Variants in CNR2 observed in about 807,000 individuals in gnomAD.
CNR2 encodes the protein cannabinoid receptor 2, also known as cannabinoid receptor 2 (macrophage).
For missense variants in CNR2, 379 were observed against 439.9 expected (o/e 0.86, Z 1.24); for synonymous variants, 172 against 182.2 (o/e 0.94, Z 0.45).
At chr1:23,885,264 TC>T (rs71983975) in intron 1 of CNR2, among the ~76,000 whole-genome samples, 21,829 of 145,296 alleles carry the variant, frequency 0.15, 1,684 homozygotes, top group East Asian at 0.33. Context: ...GACCACCATC[TC>T]CTTAAAAAAA....
At chr1:23,891,619 CAAAAAA>C (rs771509283) in intron 1 of CNR2, among the ~76,000 whole-genome samples, 1 of 31,250 alleles carries the variant, frequency 3.2e-5, no homozygotes, top group Non-Finnish European at 6.0e-5. Flanking sequence ...AACTCCATCT[CAAAAAA>C]AAAAAAAAAA....
chr1:23,892,451 G>A (rs1274100285), intron 1 of CNR2, among the ~76,000 whole-genome samples: 3 of 152,146 alleles, frequency 2.0e-5, no homozygotes, highest in Non-Finnish European at 4.4e-5. Context: ...ATGAAGCCTG[G>A]CACAAAGTAA....
intron 1 of CNR2, among the ~76,000 whole-genome samples, chr1:23,905,472 G>A (rs564773907): frequency 9.3e-5 from 14 of 150,732 alleles, no homozygotes; most frequent in African/African-American, 2.7e-4. Flanking sequence ...GAGCCACCGC[G>A]CCCAGCCATC....
intron 1 of CNR2, among the ~76,000 whole-genome samples, chr1:23,896,086 A>G (rs553422601): frequency 2.6e-5 from 4 of 151,422 alleles, no homozygotes; most frequent in Non-Finnish European, 5.9e-5. Flanking sequence ...CTTGTCTCAA[A>G]CTCCTGGCCT....
chr1:23,887,711 G>A (rs2148463281), intron 1 of CNR2, among the ~76,000 whole-genome samples: 1 of 152,192 alleles, frequency 6.6e-6, no homozygotes, highest in Admixed American at 6.5e-5. Context: ...GCACAGAGAT[G>A]AAGTAGGAAA....
intron 1 of CNR2, among the ~76,000 whole-genome samples, chr1:23,908,946 G>C (rs543770241): frequency 6.6e-6 from 1 of 152,128 alleles, no homozygotes; most frequent in South Asian, 2.1e-4. Flanking sequence ...GGGGGTGAGG[G>C]AGTGGGAAAA....
intron 1 of CNR2, among the ~76,000 whole-genome samples, chr1:23,903,678 C>A (rs973827128): frequency 1.3e-5 from 2 of 152,014 alleles, no homozygotes; most frequent in Admixed American, 1.3e-4. Context: ...TGTGAAACAG[C>A]CTTGCAGAAC....
chr1:23,908,205 T>A (rs1465205096), intron 1 of CNR2, among the ~76,000 whole-genome samples: 2 of 152,076 alleles, frequency 1.3e-5, no homozygotes, highest in Non-Finnish European at 2.9e-5. Flanking sequence ...GGTCTCGATA[T>A]CCTGACCTCA....
At chr1:23,878,225 A>G (rs1449216086) in intron 1 of CNR2, among the ~76,000 whole-genome samples, 1 of 151,844 alleles carries the variant, frequency 6.6e-6, no homozygotes, top group Non-Finnish European at 1.5e-5. Flanking sequence ...AATTAGCTGG[A>G]TGGTGGTGCA....
rs1639758037 is a variant in CNR2 at position 23,871,213 on chromosome 1, G to C, written c.*3322C>G. The C allele has an allele frequency of 6.8e-6, 1 of 146,352 alleles. No homozygotes were observed. The highest frequency in any genetic ancestry group is 2.5e-5 in the African/African-American group (1 of 39,744). The allele number at this position is 146,352 out of a possible 1,614,324, so 9.1% of individuals were successfully genotyped here. Reference sequence around the variant, plus strand: ...ACAGTGTGGTTCTAAAAGAAGAGAAGTAGAAAGTGTGGAGTTGCGTTTGAT... The same window carrying C: ...ACAGTGTGGTTCTAAAAGAAGAGAACTAGAAAGTGTGGAGTTGCGTTTGAT... On this transcript the variant is annotated 3_prime_UTR_variant, in exon 2 of 2. Transcript: ENST00000374472.
intron 1 of CNR2, among the ~76,000 whole-genome samples, chr1:23,896,510 T>C (rs2148466795): frequency 6.6e-6 from 1 of 152,328 alleles, no homozygotes; most frequent in Middle Eastern, 3.4e-3. Flanking sequence ...GCTATATATG[T>C]GAACACATTA....
chr1:23,881,517 T>C (rs1639987902), intron 1 of CNR2, among the ~76,000 whole-genome samples: 1 of 149,784 alleles, frequency 6.7e-6, no homozygotes, highest in South Asian at 2.1e-4. Context: ...CGTTTGAACC[T>C]AGGAGGCGGA....
chr1:23,911,604 C>A (rs562624640), intron 1 of CNR2, among the ~76,000 whole-genome samples: 1 of 152,042 alleles, frequency 6.6e-6, no homozygotes, highest in African/African-American at 2.4e-5. Context: ...GTGACTTCAA[C>A]TGAATAAAGA....
chr1:23,879,795 C>T (rs980434664), intron 1 of CNR2, among the ~76,000 whole-genome samples: 1 of 151,966 alleles, frequency 6.6e-6, no homozygotes, highest in Non-Finnish European at 1.5e-5. Context: ...CCTAACTGGG[C>T]CCCCTGCTTT....
At position 23,873,233 on chromosome 1, in the gene CNR2, G is replaced by C. The variant is rs1001430694; in HGVS notation, c.*1302C>G. Reference sequence around the variant, plus strand: ...CTCATATGAAAAATGAGTACCCTGGGATCTATTTTATTTTATTTTTTTGAG... The same window carrying C: ...CTCATATGAAAAATGAGTACCCTGGCATCTATTTTATTTTATTTTTTTGAG... On this transcript the variant is annotated 3_prime_UTR_variant, in exon 2 of 2. Coordinates refer to ENST00000374472, the MANE Select transcript of CNR2 (RefSeq NM_001841.3). The C allele has an allele frequency of 7.9e-6, 1 of 126,200 alleles. No individual in the cohort carries two copies. Among genetic ancestry groups the C allele is most frequent in the Non-Finnish European group, 1.6e-5 (1 of 60,936 alleles). 7.8% of individuals were successfully genotyped at this position (126,200 alleles called of 1,614,324 possible). A position where few individuals can be genotyped will look rare whatever the true frequency, so the allele number is the denominator to read the frequency against.
chr1:23,873,159 A>G lies in CNR2; in HGVS notation c.*1376T>C, dbSNP rs781665903. ...CTCTGCAATCTTCCTGCCGCCAACA[A>G]TTTCTCTTGTTGGCTGTTTTAGGCT... On this transcript the variant is annotated 3_prime_UTR_variant, in exon 2 of 2. Transcript: ENST00000374472. 3 of 152,072 alleles carry G rather than the reference A, an allele frequency of 2.0e-5. No individual in the cohort carries two copies. Among genetic ancestry groups the G allele is most frequent in the Non-Finnish European group, 4.4e-5 (3 of 68,004 alleles). 9.4% of individuals were successfully genotyped at this position (152,072 alleles called of 1,614,324 possible).
At chr1:23,905,342 G>A (rs1339244201) in intron 1 of CNR2, among the ~76,000 whole-genome samples, 2 of 151,382 alleles carry the variant, frequency 1.3e-5, no homozygotes, top group Non-Finnish European at 2.9e-5. Context: ...CACCACGCCA[G>A]CTAGCTTTTG....
chr1:23,910,635 C>A (rs1447537412), intron 1 of CNR2, among the ~76,000 whole-genome samples: 7 of 30,074 alleles, frequency 2.3e-4, no homozygotes, highest in Admixed American at 1.7e-3. Flanking sequence ...GCCTGGGCAA[C>A]AAGAGCAAAA....
At chr1:23,893,594 G>T (rs548120135) in intron 1 of CNR2, among the ~76,000 whole-genome samples, 41 of 152,356 alleles carry the variant, frequency 2.7e-4, no homozygotes, top group African/African-American at 8.9e-4. Context: ...CGGAATCTCA[G>T]GTGCTCAGGG....
Sources: allele counts gnomAD v4.1 joint callset (sites outside exome capture counted in the v4.1 genomes callset), GRCh38; gene constraint gnomAD v4.1.1; transcripts MANE v1.5; gene names NCBI Gene and HGNC (gene_info 2026-07-23, HGNC 2026-07-21).